MDFIC: variants seen among roughly 807,000 people sequenced by gnomAD.
The protein encoded by MDFIC is MyoD family inhibitor domain containing.
Under a neutral mutation model 23.2 loss-of-function variants are expected in MDFIC, and 17 were observed. The ratio of observed to expected loss-of-function variants is 0.73; its 90% CI spans 0.50 to 1.10. MDFIC has a LOEUF of 1.10. MDFIC is among the 50% of genes least tolerant of loss of function. The pLI is 0.00. For synonymous variants in MDFIC, 120 were observed against 115.2 expected (o/e 1.04, Z -0.27); for missense variants, 356 against 316.6 (o/e 1.12, Z -0.95).
chr7:115,001,032 C>T (rs1282175032), intron 4 of MDFIC, among the ~76,000 whole-genome samples: 1 of 152,202 alleles, frequency 6.6e-6, no homozygotes, highest in Non-Finnish European at 1.5e-5. Context: ...TTTCCTTCCT[C>T]CTCTATACTT....
chr7:114,985,206 A>G (rs1793489307), intron 4 of MDFIC, among the ~76,000 whole-genome samples: 1 of 152,158 alleles, frequency 6.6e-6, no homozygotes, highest in Admixed American at 6.5e-5. Flanking sequence ...ATTAGTACCT[A>G]CTTCATAGGA....
intron 3 of MDFIC, among the ~76,000 whole-genome samples, chr7:114,968,758 T>C (rs1370879904): frequency 6.6e-6 from 1 of 152,204 alleles, no homozygotes; most frequent in South Asian, 2.1e-4. Flanking sequence ...TAGTAACAAC[T>C]ACTCACCAAA....
intron 2 of MDFIC, among the ~76,000 whole-genome samples, chr7:114,924,856 A>G (rs1392671518): frequency 2.0e-5 from 3 of 152,184 alleles, no homozygotes; most frequent in African/African-American, 7.2e-5. Flanking sequence ...CTTGGAGCAA[A>G]TGGTTAGAGG....
chr7:114,973,405 A>G (rs1271962237), intron 3 of MDFIC, among the ~76,000 whole-genome samples: 2 of 152,154 alleles, frequency 1.3e-5, no homozygotes, highest in African/African-American at 4.8e-5. Context: ...AAAACAAAGT[A>G]TAGAGAGGGC....
intron 4 of MDFIC, among the ~76,000 whole-genome samples, chr7:114,989,830 T>C (rs942098525): frequency 1.3e-5 from 2 of 152,162 alleles, no homozygotes; most frequent in African/African-American, 4.8e-5. Context: ...TCCATGAGCA[T>C]TTATTGAGTT....
At chr7:114,944,031 A>C (rs1792599880) in intron 3 of MDFIC, among the ~76,000 whole-genome samples, 1 of 152,210 alleles carries the variant, frequency 6.6e-6, no homozygotes, top group South Asian at 2.1e-4. Context: ...TTAGTCATAG[A>C]ATCCATACCA....
At chr7:115,008,608 C>G (rs116252214) in intron 4 of MDFIC, among the ~76,000 whole-genome samples, 2 of 152,226 alleles carry the variant, frequency 1.3e-5, no homozygotes, top group South Asian at 4.1e-4. Flanking sequence ...AAGTGCTGTG[C>G]GTCCTCTGTC....
At chr7:114,995,139 C>T (rs931398477) in intron 4 of MDFIC, among the ~76,000 whole-genome samples, 5 of 152,210 alleles carry the variant, frequency 3.3e-5, no homozygotes, top group East Asian at 1.9e-4. Flanking sequence ...TTGATCGAAT[C>T]GGCTACTGAA....
intron 3 of MDFIC, among the ~76,000 whole-genome samples, chr7:114,952,299 A>G (rs1792793462): frequency 6.6e-6 from 1 of 152,198 alleles, no homozygotes; most frequent in Non-Finnish European, 1.5e-5. Context: ...AGAAAGCAGG[A>G]AGACCTGCTT....
In MDFIC at chr7:115,017,771, G is replaced by C. The variant is rs1791821740; in HGVS notation, c.*1836G>C. 1 of 152,306 alleles carries C rather than the reference G, an allele frequency of 6.6e-6. No individual in the cohort carries two copies. Among genetic ancestry groups the C allele is most frequent in the African/African-American group, 2.4e-5 (1 of 41,428 alleles). 9.4% of individuals were successfully genotyped at this position (152,306 alleles called of 1,614,324 possible). ...GTTTGATTTAATATAATTCTTAGTAGAAATTTTGAAAGTATGCTTTGGGAT... is the reference window on the plus strand; with the variant it reads ...GTTTGATTTAATATAATTCTTAGTACAAATTTTGAAAGTATGCTTTGGGAT... On this transcript the variant is annotated 3_prime_UTR_variant, in exon 5 of 5. Coordinates refer to ENST00000393486, the MANE Select transcript of MDFIC (RefSeq NM_001166345.3).
At chr7:114,931,911 C>T (rs1479768390) in intron 2 of MDFIC, among the ~76,000 whole-genome samples, 1 of 152,160 alleles carries the variant, frequency 6.6e-6, no homozygotes, top group Admixed American at 6.6e-5. Context: ...AAGGAACCAG[C>T]TTCCTCTCTT....
intron 4 of MDFIC, among the ~76,000 whole-genome samples, chr7:115,015,004 A>G (rs1271408781): frequency 2.0e-5 from 3 of 152,192 alleles, no homozygotes; most frequent in Non-Finnish European, 4.4e-5. Flanking sequence ...TTACTGTGTC[A>G]TTATTCACAT....
Position 114,942,305 on chromosome 7 carries a change from A to G in MDFIC, c.125A>G (p.Asp42Gly), listed in dbSNP as rs1199925291. 1.3e-5 allele frequency: 21 copies of G among 1,571,122 alleles called. 2 individuals are homozygous for G. In the South Asian group the frequency reaches 1.9e-4, roughly 14 times the overall value. ...GKCDKDNTEK[D>G]ITQATNSHFT... Reference sequence around the variant, plus strand: ...TGTGATAAAGACAATACTGAGAAAGATATAACTCAAGCTACCAATAGCCAC... The same window carrying G: ...TGTGATAAAGACAATACTGAGAAAGGTATAACTCAAGCTACCAATAGCCAC... Residue 42 changes from aspartate (D) to glycine (G), a missense_variant, in exon 3 of 5, where the codon GAT becomes GGT. Asp to Gly is a moderately conservative substitution (Grantham distance 94). Transcript: ENST00000393486.
At chr7:114,950,012 G>T (rs1181807417) in intron 3 of MDFIC, among the ~76,000 whole-genome samples, 2 of 152,166 alleles carry the variant, frequency 1.3e-5, no homozygotes, top group African/African-American at 4.8e-5. Flanking sequence ...GTTAGATGAG[G>T]CGTGGTGAGA....
chr7:114,954,711 G>T (rs1792852054), intron 3 of MDFIC, among the ~76,000 whole-genome samples: 1 of 152,182 alleles, frequency 6.6e-6, no homozygotes, highest in Non-Finnish European at 1.5e-5. Flanking sequence ...GTCAAATCCA[G>T]TTCTGGTCTA....
In MDFIC at chr7:114,939,385, G is replaced by A. The variant is rs1053038752; in HGVS notation, c.95-2890G>A. Among the ~76,000 whole-genome samples the A allele has an allele frequency of 1.7e-3, 254 of 152,196 alleles. 1 individual carries two copies. Among genetic ancestry groups the A allele is most frequent in the African/African-American group, 5.6e-3 (233 of 41,528 alleles). On this transcript the variant is annotated intron_variant, in intron 2 of 4. Coordinates refer to ENST00000393486, the MANE Select transcript of MDFIC (RefSeq NM_001166345.3). ...AGAGAAGCAAAGTTGAATAGACTGA[G>A]GATAGTGAATTAATAGTAATTGCAT...
intron 4 of MDFIC, among the ~76,000 whole-genome samples, chr7:114,991,524 G>A (rs959116949): frequency 1.3e-5 from 2 of 152,162 alleles, no homozygotes; most frequent in Non-Finnish European, 2.9e-5. Context: ...GTTAATTTTT[G>A]TATAAGGTGT....
chr7:114,935,809 T>G (rs1209383258), intron 2 of MDFIC, among the ~76,000 whole-genome samples: 1 of 152,102 alleles, frequency 6.6e-6, no homozygotes, highest in Non-Finnish European at 1.5e-5. Context: ...ATACAGCTAC[T>G]CAGAGGAAAC....
At chr7:114,926,726 T>A (rs966109709) in intron 2 of MDFIC, among the ~76,000 whole-genome samples, 1 of 152,290 alleles carries the variant, frequency 6.6e-6, no homozygotes, top group South Asian at 2.1e-4. Context: ...AAGTTGAAAT[T>A]ACATAAGAAG....
Sources: allele counts gnomAD v4.1 joint callset (sites outside exome capture counted in the v4.1 genomes callset), GRCh38; gene constraint gnomAD v4.1.1; transcripts MANE v1.5; gene names NCBI Gene and HGNC (gene_info 2026-07-23, HGNC 2026-07-21).